DNMT3A: variants seen among roughly 807,000 people sequenced by gnomAD.
DNMT3A encodes DNA methyltransferase 3 alpha.
In DNMT3A, 267 loss-of-function variants were observed where a neutral mutation model predicts 117.6. The ratio of observed to expected loss-of-function variants is 2.27; its 90% CI spans 2.05 to 2.51. The LOEUF (loss-of-function observed/expected upper bound fraction) is 2.51. Ranked by LOEUF, DNMT3A falls within the 30% of genes most tolerant of loss-of-function variation. DNMT3A has a pLI of 0.00. For synonymous variants in DNMT3A, 432 were observed against 474.8 expected, an observed-to-expected ratio of 0.91 and a Z score of 1.17; for missense variants, 1,029 against 1,260.2, an observed-to-expected ratio of 0.82 and a Z score of 2.78.
At position 25,257,266 on chromosome 2, in the gene DNMT3A, C is replaced by G. The variant is rs1184691813; in HGVS notation, c.640-9014G>C. Among the ~76,000 whole-genome samples the G allele has an allele frequency of 6.6e-6, 1 of 152,170 alleles. No individual in the cohort carries two copies. Among genetic ancestry groups the G allele is most frequent in the Non-Finnish European group, 1.5e-5 (1 of 68,030 alleles). ...AGGTGTCAGATGTGCACCCGGAGAG[C>G]AGAGGGGTCCAAAGGCTCGCACCTA... On this transcript the variant is annotated intron_variant, in intron 6 of 22. Coordinates refer to ENST00000321117, the MANE Select transcript of DNMT3A (RefSeq NM_022552.5). The surrounding 1 kb of genome is among the most constrained non-coding windows in gnomAD (Gnocchi z 4.8).
At chr2:25,245,653 C>G (rs1475993343) in intron 12 of DNMT3A, among the ~76,000 whole-genome samples, 2 of 152,210 alleles carry the variant, frequency 1.3e-5, no homozygotes, top group Non-Finnish European at 2.9e-5. Context: ...CTGCCCCAAT[C>G]CTCCCAGGCC....
In DNMT3A at chr2:25,327,843, C is replaced by T. The variant is rs1405354022; in HGVS notation, c.-177-13682G>A. ...TCTATGTGGAAGTAACATTCCCCTC[C>T]CTTCAGCTGCCTAAGTCCCAAACCC... On this transcript the variant is annotated intron_variant, in intron 1 of 22. Coordinates refer to ENST00000321117, the MANE Select transcript of DNMT3A (RefSeq NM_022552.5). The surrounding 1 kb of genome is among the most constrained non-coding windows in gnomAD (Gnocchi z 4.1). 4.6e-5 allele frequency among the ~76,000 whole-genome samples: 7 copies of T among 152,198 alleles called. No individual in the cohort carries two copies. The highest frequency in any genetic ancestry group is 4.6e-4 in the Admixed American group (7 of 15,286).
rs142882596 is a variant in DNMT3A, at chr2:25,293,834, G to A, written c.177+6305C>T. ...ACCACAGGTATGTGCCACCACATTCGGCTTTTTTCTATTTTTAGTAGAGAT... is the reference window on the plus strand; with the variant it reads ...ACCACAGGTATGTGCCACCACATTCAGCTTTTTTCTATTTTTAGTAGAGAT... On this transcript the variant is annotated intron_variant, in intron 3 of 22. Transcript: ENST00000321117. The surrounding 1 kb of genome is among the most constrained non-coding windows in gnomAD (Gnocchi z 4.7). Among the ~76,000 whole-genome samples the A allele has an allele frequency of 8.5e-3, 1,291 of 152,150 alleles. 7 individuals carry two copies. Among genetic ancestry groups the A allele is most frequent in the Non-Finnish European group, 0.013 (882 of 67,992 alleles).
intron 3 of DNMT3A, among the ~76,000 whole-genome samples, chr2:25,289,307 C>G (rs1249889415): frequency 3.3e-5 from 5 of 151,938 alleles, no homozygotes; most frequent in African/African-American, 1.2e-4. Flanking sequence ...TCCATGTTGG[C>G]CAGGCTGGTC....
intron 6 of DNMT3A, among the ~76,000 whole-genome samples, chr2:25,262,052 T>C (rs1350084348): frequency 2.0e-5 from 3 of 152,036 alleles, no homozygotes; most frequent in Non-Finnish European, 4.4e-5. Flanking sequence ...TAGCTGGGCA[T>C]GGCAGCACAT....
At chr2:25,239,248 AAGG>A (rs1673710758) in intron 19 of DNMT3A, 33 bp from the exon 20 acceptor site, 3 of 1,601,146 alleles carry the variant, frequency 1.9e-6, no homozygotes, top group Non-Finnish European at 2.6e-6. Context: ...AAGATGAGCC[AAGG>A]AGGAGCATGA....
chr2:25,324,821 C>T (rs115717646), intron 1 of DNMT3A, among the ~76,000 whole-genome samples: 303 of 152,262 alleles, frequency 2.0e-3, no homozygotes, highest in African/African-American at 7.1e-3. Flanking sequence ...ATTCCATTGC[C>T]CTGACTTTCA....
At chr2:25,312,526 T>A (rs1426712950) in intron 2 of DNMT3A, among the ~76,000 whole-genome samples, 2 of 152,114 alleles carry the variant, frequency 1.3e-5, no homozygotes, top group African/African-American at 4.8e-5. Context: ...TGTACATGTG[T>A]CCCTAGCAGG....
At chr2:25,275,677 G>T in intron 4 of DNMT3A, 134 bp from the exon 5 acceptor site, 1 of 950,972 alleles carries the variant, frequency 1.1e-6, no homozygotes, top group Non-Finnish European at 1.5e-6. Flanking sequence ...CTGTTCATGT[G>T]TTAAATATGA....
chr2:25,262,838 T>C (rs1460160851), intron 6 of DNMT3A, among the ~76,000 whole-genome samples: 1 of 152,206 alleles, frequency 6.6e-6, no homozygotes, highest in African/African-American at 2.4e-5. Context: ...CCCTAACCCC[T>C]GCACCCTAGT....
Position 25,304,461 on chromosome 2 carries a change from T to A in DNMT3A, c.73-4218A>T, listed in dbSNP as rs564500553. Among the ~76,000 whole-genome samples, 3 of 152,258 alleles carry A rather than the reference T, an allele frequency of 2.0e-5. No homozygotes were observed. The highest frequency in any genetic ancestry group is 4.8e-5 in the African/African-American group (2 of 41,546). On this transcript the variant is annotated intron_variant, in intron 2 of 22. Coordinates refer to ENST00000321117, the MANE Select transcript of DNMT3A (RefSeq NM_022552.5). This position sits in a 1 kb window ranked among gnomAD's most constrained non-coding sequence, Gnocchi z 4.3. The stretch of plus-strand genomic sequence containing the variant: ...TCCTCCCCATCCCCCTCTCCCTGCC[T>A]CGTGCAAATCCCAGCACGCCGCCCA...
intron 20 of DNMT3A, 106 bp downstream of exon 20, chr2:25,239,024 A>C: frequency 1.1e-6 from 1 of 891,710 alleles, no homozygotes; most frequent in South Asian, 1.6e-5. Flanking sequence ...CTAGTCATTC[A>C]GCAGAGGCCG....
chr2:25,238,670 G>GA (rs745885984), intron 20 of DNMT3A, among the ~76,000 whole-genome samples: 1 of 152,208 alleles, frequency 6.6e-6, no homozygotes, highest in Non-Finnish European at 1.5e-5. Flanking sequence ...CAAAGTGTGT[G>GA]ATTAGTAAAA....
In DNMT3A at chr2:25,248,193, G is replaced by A. The variant is rs766299878; in HGVS notation, c.699C>T (p.Pro233=). The A allele has an allele frequency of 9.9e-6, 16 of 1,613,376 alleles. No homozygotes were observed. The highest frequency in any genetic ancestry group is 6.6e-5 in the South Asian group (6 of 90,966). Residue 233 remains proline (P), a synonymous_variant, in exon 7 of 23, where the codon CCC becomes CCT. Transcript: ENST00000321117. ...GMNAVEENQG[P]GESQKVEEAS... is the part of the protein sequence containing the mutation. ...CCTCCTCCACCTTCTGAGACTCCCC[G>A]GGCCCCTGGTTTTCTTCCACAGCAT...
chr2:25,336,472 G>A (rs1261944506), intron 1 of DNMT3A, among the ~76,000 whole-genome samples: 2 of 152,084 alleles, frequency 1.3e-5, no homozygotes, highest in African/African-American at 4.8e-5. Context: ...ACCTGACCCT[G>A]GCCTCCCCCT....
At position 25,254,350 on chromosome 2, in the gene DNMT3A, GAGCA is replaced by G. The variant is rs1433643371; in HGVS notation, c.640-6102_640-6099del. ...CCCCCCCTCCCCCTGAGGGCCATCA[GAGCA>G]AGCAAACCCTGAAGAGCAAGGACCC... is the stretch of plus-strand genomic sequence containing the variant. On this transcript the variant is annotated intron_variant, in intron 6 of 22. Transcript: ENST00000321117. The surrounding 1 kb of genome is among the most constrained non-coding windows in gnomAD (Gnocchi z 4.7). Among the ~76,000 whole-genome samples, 1 of 151,976 alleles carries G rather than the reference GAGCA, an allele frequency of 6.6e-6. No homozygotes were observed. The highest frequency in any genetic ancestry group is 1.5e-5 in the Non-Finnish European group (1 of 68,022).
At chr2:25,300,990 G>A (rs376425908) in intron 2 of DNMT3A, among the ~76,000 whole-genome samples, 2 of 151,238 alleles carry the variant, frequency 1.3e-5, no homozygotes, top group African/African-American at 4.9e-5. Flanking sequence ...AAATAAAATC[G>A]CTGGGCATGG....
chr2:25,244,860 G>C (rs1432317722), intron 13 of DNMT3A, among the ~76,000 whole-genome samples: 2 of 152,200 alleles, frequency 1.3e-5, no homozygotes, highest in Non-Finnish European at 2.9e-5. Flanking sequence ...CCAAAGAGCA[G>C]CCTGAGAACA....
At position 25,306,933 on chromosome 2, in the gene DNMT3A, C is replaced by T. The variant is rs1239027696; in HGVS notation, c.73-6690G>A. Among the ~76,000 whole-genome samples the T allele has an allele frequency of 7.2e-5, 11 of 152,220 alleles. No individual in the cohort carries two copies. The highest frequency in any genetic ancestry group is 1.6e-4 in the Non-Finnish European group (11 of 68,034). On this transcript the variant is annotated intron_variant, in intron 2 of 22. Transcript: ENST00000321117. The surrounding 1 kb of genome is among the most constrained non-coding windows in gnomAD (Gnocchi z 4.1). ...ATGGCACCAAGCCCACACATGTCTG[C>T]TCCTTCAGTAGCACACCCAGCTCTG...
Sources: allele counts gnomAD v4.1 joint callset (sites outside exome capture counted in the v4.1 genomes callset), GRCh38; gene constraint gnomAD v4.1.1; non-coding constraint Gnocchi (gnomAD v3.1); transcripts MANE v1.5; gene names NCBI Gene and HGNC (gene_info 2026-07-23, HGNC 2026-07-21).